The following DCTD variants were observed in gnomAD, a reference collection of about 807,000 sequenced individuals.
DCTD encodes the protein deoxycytidylate deaminase.
DCTD carries 23 observed loss-of-function variants against 21.0 expected under a neutral mutation model. The ratio of observed to expected loss-of-function variants is 1.09; its 90% CI spans 0.79 to 1.55. The LOEUF is 1.55. Ranked by LOEUF, DCTD falls within the 40% of genes most tolerant of loss-of-function variation. The pLI is 0.00. For missense variants in DCTD, 224 were observed against 230.0 expected (o/e 0.97, Z 0.17); for synonymous variants, 71 against 81.1 (o/e 0.88, Z 0.67).
chr4:182,915,590 T>C lies in DCTD; in HGVS notation c.-7-15A>G, dbSNP rs772147313. ...TCATGTTGGGTCTAGAAGAAAAACA[T>C]GACAAAACAGAAGTTGAGAGAAGCA... On this transcript the variant is annotated splice_polypyrimidine_tract_variant and intron_variant, in intron 1 of 5. Coordinates refer to ENST00000438320, the MANE Select transcript of DCTD (RefSeq NM_001921.3). 11 of 1,523,636 alleles carry C rather than the reference T, an allele frequency of 7.2e-6. No individual in the cohort carries two copies. Among genetic ancestry groups the C allele is most frequent in the South Asian group, 4.5e-5 (4 of 89,294 alleles). The allele number at this position is 1,523,636 out of a possible 1,614,324, so 94.4% of individuals were successfully genotyped here. A position where few individuals can be genotyped will look rare whatever the true frequency, so the allele number is the denominator to read the frequency against.
chr4:182,897,805 C>T (rs1735014200), intron 3 of DCTD, among the ~76,000 whole-genome samples: 1 of 152,194 alleles, frequency 6.6e-6, no homozygotes, highest in Non-Finnish European at 1.5e-5. Flanking sequence ...AGAGGAGCAC[C>T]TGAGGCCGCA....
intron 4 of DCTD, among the ~76,000 whole-genome samples, chr4:182,893,860 T>G (rs932558818): frequency 1.3e-5 from 2 of 152,254 alleles, no homozygotes; most frequent in East Asian, 3.8e-4. Context: ...AAACGGCCCC[T>G]TCAAACCACA....
chr4:182,916,750 T>C (rs1439956654), intron 1 of DCTD: 1 of 1,101,790 alleles, frequency 9.1e-7, no homozygotes, highest in Non-Finnish European at 1.1e-6. Flanking sequence ...GGGGGAGCCA[T>C]GGGGGGCGAG....
chr4:182,894,166 C>G (rs771835073), intron 4 of DCTD, among the ~76,000 whole-genome samples: 1 of 152,168 alleles, frequency 6.6e-6, no homozygotes, highest in Non-Finnish European at 1.5e-5. Context: ...TTCATTTCTT[C>G]CCTCCCCCAA....
At chr4:182,915,853 C>T in intron 1 of DCTD, 1 of 1,172,890 alleles carries the variant, frequency 8.5e-7, no homozygotes, top group Non-Finnish European at 1.1e-6. Flanking sequence ...ATTTTTTATG[C>T]CAGCCTACAA....
Position 182,897,755 on chromosome 4 carries a change from C to T in DCTD, c.245-3150G>A, listed in dbSNP as rs900253756. ...CCTGTCTTATGATCACAGGCTTGCC[C>T]GACCCGCACCTGCGGGGCTGAGGAG... On this transcript the variant is annotated intron_variant, in intron 3 of 5. Coordinates refer to ENST00000438320, the MANE Select transcript of DCTD (RefSeq NM_001921.3). Among the ~76,000 whole-genome samples the T allele has an allele frequency of 5.9e-5, 9 of 152,326 alleles. 2 individuals are homozygous for T. The highest frequency in any genetic ancestry group is 1.4e-4 in the African/African-American group (6 of 41,590).
chr4:182,913,648 C>A (rs369673184), intron 3 of DCTD, among the ~76,000 whole-genome samples: 15 of 152,200 alleles, frequency 9.9e-5, no homozygotes, highest in South Asian at 2.1e-4. Context: ...ACAATCTTTC[C>A]CATTTGGATG....
At chr4:182,907,582 C>T (rs868169836) in intron 3 of DCTD, among the ~76,000 whole-genome samples, 2 of 152,076 alleles carry the variant, frequency 1.3e-5, no homozygotes, top group African/African-American at 4.8e-5. Flanking sequence ...CTTAGAACTG[C>T]GCCAGTCTTT....
chr4:182,915,176 G>A, intron 2 of DCTD, 118 bp from the exon 3 acceptor site: 1 of 1,327,774 alleles, frequency 7.5e-7, no homozygotes, highest in Non-Finnish European at 1.1e-6. Flanking sequence ...GCTGCTGCAG[G>A]TGCTGAGAGC....
At position 182,894,910 on chromosome 4, in the gene DCTD, C is replaced by T. The variant is rs184643735; in HGVS notation, c.245-305G>A. 4.8e-3 allele frequency among the ~76,000 whole-genome samples: 728 copies of T among 152,366 alleles called. 8 individuals are homozygous for T. The highest frequency in any genetic ancestry group is 7.7e-3 in the Non-Finnish European group (526 of 68,034). On this transcript the variant is annotated intron_variant, in intron 3 of 5. Coordinates refer to ENST00000438320, the MANE Select transcript of DCTD (RefSeq NM_001921.3). The stretch of plus-strand genomic sequence containing the variant: ...GACCCTGGGGCATGAAAGTGCCCAC[C>T]TGAGCTGGCTCATTGGTGTGCTGAC...
At chr4:182,893,930 T>C (rs1734268167) in intron 4 of DCTD, among the ~76,000 whole-genome samples, 1 of 152,230 alleles carries the variant, frequency 6.6e-6, no homozygotes, top group African/African-American at 2.4e-5. Context: ...GGAGACAAAG[T>C]GTAGCTGAAT....
intron 3 of DCTD, among the ~76,000 whole-genome samples, chr4:182,910,158 C>G (rs1002136685): frequency 6.6e-5 from 10 of 152,270 alleles, no homozygotes; most frequent in African/African-American, 2.2e-4. Context: ...GCAACCCTGG[C>G]TCCCTGGTCC....
rs9542 is a variant in DCTD, at chr4:182,891,198, C to T, written c.*201G>A. 281,345 of 518,442 alleles carry T rather than the reference C, an allele frequency of 0.54. 80,518 individuals are homozygous for T. The highest frequency in any genetic ancestry group is 0.6 in the East Asian group (20,195 of 33,572). The allele number at this position is 518,442 out of a possible 1,614,324, so 32.1% of individuals were successfully genotyped here. A position where few individuals can be genotyped will look rare whatever the true frequency, so the allele number is the denominator to read the frequency against. On this transcript the variant is annotated 3_prime_UTR_variant, in exon 6 of 6. Coordinates refer to ENST00000438320, the MANE Select transcript of DCTD (RefSeq NM_001921.3). The stretch of plus-strand genomic sequence containing the variant: ...CCACCACAGGCTCCCCTATTTTAAA[C>T]CCTAAAGCAATAGTTCAAACACATG...
intron 3 of DCTD, among the ~76,000 whole-genome samples, chr4:182,914,222 G>A (rs187225526): frequency 5.9e-5 from 9 of 152,292 alleles, no homozygotes; most frequent in Admixed American, 5.9e-4. Flanking sequence ...TGGCTAGGCT[G>A]GTCTCGAACT....
At position 182,891,487 on chromosome 4, in the gene DCTD, A is replaced by T. The variant is rs1403060344; in HGVS notation, c.459-10T>A. ...CTTCGGTATGAATTTCCTAAAAATA[A>T]AAACAAAATACAATTATTATCTGGT... On this transcript the variant is annotated splice_polypyrimidine_tract_variant and intron_variant, in intron 5 of 5. Transcript: ENST00000438320. 6.3e-7 allele frequency: 1 copy of T among 1,581,698 alleles called. No individual in the cohort carries two copies. The highest frequency in any genetic ancestry group is 8.7e-7 in the Non-Finnish European group (1 of 1,151,664).
chr4:182,905,504 T>G (rs951913928), intron 3 of DCTD, among the ~76,000 whole-genome samples: 1 of 152,024 alleles, frequency 6.6e-6, no homozygotes, highest in African/African-American at 2.4e-5. Context: ...AATTTTTGTA[T>G]TTTTAGTAGA....
At chr4:182,893,561 A>G in intron 4 of DCTD, among the ~76,000 whole-genome samples, 1 of 152,222 alleles carries the variant, frequency 6.6e-6, no homozygotes, top group East Asian at 1.9e-4. Context: ...AACCAGCTCT[A>G]CAGAGGGCAG....
chr4:182,914,057 G>C (rs1738230795), intron 3 of DCTD, among the ~76,000 whole-genome samples: 1 of 152,066 alleles, frequency 6.6e-6, no homozygotes, highest in African/African-American at 2.4e-5. Context: ...ACCCAGGCTG[G>C]AGTGCAGTGG....
At chr4:182,915,213 T>C (rs1365628070) in intron 2 of DCTD, among the ~76,000 whole-genome samples, 155 bp from the exon 3 acceptor site, 1 of 152,320 alleles carries the variant, frequency 6.6e-6, no homozygotes, top group African/African-American at 2.4e-5. Context: ...TGGTTTTTTG[T>C]GGCAGCACCC....
Sources: allele counts gnomAD v4.1 joint callset (sites outside exome capture counted in the v4.1 genomes callset), GRCh38; gene constraint gnomAD v4.1.1; transcripts MANE v1.5; gene names NCBI Gene and HGNC (gene_info 2026-07-23, HGNC 2026-07-21).